The following TBC1D22B variants were observed in gnomAD, a reference collection of about 807,000 sequenced individuals.
TBC1D22B encodes TBC1 domain family member 22B, also known as chromosome 6 open reading frame 197.
A neutral mutation model predicts 69.1 loss-of-function variants in TBC1D22B; 32 were observed. The ratio of observed to expected loss-of-function variants is 0.46; its 90% CI spans 0.35 to 0.62. TBC1D22B has a LOEUF of 0.62. Among genes scored for constraint, TBC1D22B ranks in the 20% least tolerant of loss-of-function variants. TBC1D22B has a pLI of 0.00. For synonymous variants in TBC1D22B, 206 were observed against 229.8 expected (o/e 0.90, Z 0.94); for missense variants, 462 against 630.9 (o/e 0.73, Z 2.87).
chr6:37,261,873 A>G (rs541388960), intron 1 of TBC1D22B, among the ~76,000 whole-genome samples: 8 of 151,808 alleles, frequency 5.3e-5, no homozygotes, highest in Admixed American at 2.6e-4. Flanking sequence ...CGTCTCTACT[A>G]AAAACACACA....
intron 8 of TBC1D22B, among the ~76,000 whole-genome samples, chr6:37,305,048 A>G (rs61431090): frequency 0.032 from 4,840 of 152,250 alleles, 241 homozygotes; most frequent in African/African-American, 0.11. Context: ...AATTTTTGAT[A>G]GTCAACACTC....
chr6:37,294,359 AG>A (rs533834806), intron 8 of TBC1D22B, among the ~76,000 whole-genome samples: 2 of 152,044 alleles, frequency 1.3e-5, no homozygotes, highest in South Asian at 2.1e-4. Flanking sequence ...TTTTGTAGAG[AG>A]GGGGGTCTTG....
At chr6:37,261,211 C>T (rs918816575) in intron 1 of TBC1D22B, among the ~76,000 whole-genome samples, 3 of 151,960 alleles carry the variant, frequency 2.0e-5, no homozygotes, top group African/African-American at 4.8e-5. Flanking sequence ...GCAGGTGGAT[C>T]GCTTGAGGCC....
In TBC1D22B at chr6:37,331,025, G is replaced by C. The variant is rs1335939361; in HGVS notation, c.1390-19G>C. ...GTCTACGGTCTGGTATGATATAAAA[G>C]TCCTTTCTTGCATTCCAGGGTCTCC... On this transcript the variant is annotated intron_variant, in intron 12 of 12. Transcript: ENST00000373491. The C allele has an allele frequency of 4.3e-6, 7 of 1,613,712 alleles. No individual in the cohort carries two copies. In the Admixed American group the frequency reaches 1.2e-4, roughly 27 times the overall value.
At chr6:37,316,227 T>C (rs1376901345) in intron 10 of TBC1D22B, among the ~76,000 whole-genome samples, 2 of 152,186 alleles carry the variant, frequency 1.3e-5, no homozygotes, top group Non-Finnish European at 2.9e-5. Flanking sequence ...GGAAGAGGCT[T>C]CCCTTGAGTG....
chr6:37,287,464 C>T (rs748802454), intron 7 of TBC1D22B, among the ~76,000 whole-genome samples: 7 of 152,138 alleles, frequency 4.6e-5, no homozygotes, highest in African/African-American at 1.2e-4. Flanking sequence ...AGTACAGTCA[C>T]GTTATTGTAT....
intron 2 of TBC1D22B, among the ~76,000 whole-genome samples, chr6:37,273,213 A>G (rs1447649802): frequency 6.7e-6 from 1 of 148,616 alleles, no homozygotes; most frequent in Non-Finnish European, 1.5e-5. Flanking sequence ...AAACGAGAAT[A>G]GCAAAGACAA....
intron 8 of TBC1D22B, among the ~76,000 whole-genome samples, chr6:37,297,623 T>C (rs2113760797): frequency 6.6e-6 from 1 of 152,370 alleles, no homozygotes; most frequent in Admixed American, 6.5e-5. Flanking sequence ...CTTCACCTAT[T>C]ATATTTAATG....
At chr6:37,272,616 G>A (rs1462104788) in intron 2 of TBC1D22B, among the ~76,000 whole-genome samples, 7 of 151,268 alleles carry the variant, frequency 4.6e-5, no homozygotes, top group African/African-American at 7.3e-5. Flanking sequence ...TCAAACTCCC[G>A]GACTCAAGTG....
At chr6:37,286,371 A>C (rs1454701358) in intron 6 of TBC1D22B, among the ~76,000 whole-genome samples, 3 of 150,006 alleles carry the variant, frequency 2.0e-5, no homozygotes, top group Admixed American at 2.0e-4. Flanking sequence ...GCTGGAGTGC[A>C]GTGGCCCGAT....
At chr6:37,289,809 C>A (rs771342399) in intron 7 of TBC1D22B, among the ~76,000 whole-genome samples, 8 of 152,168 alleles carry the variant, frequency 5.3e-5, no homozygotes, top group Non-Finnish European at 8.8e-5. Flanking sequence ...CATTTAGCAA[C>A]AGAGAGGAAA....
intron 2 of TBC1D22B, among the ~76,000 whole-genome samples, chr6:37,272,370 T>TC (rs1008411936): frequency 6.6e-6 from 1 of 150,714 alleles, no homozygotes; most frequent in African/African-American, 2.4e-5. Flanking sequence ...CAGCCTTTTT[T>TC]TTTTTTTTTT....
At chr6:37,267,794 C>T (rs1020099124) in intron 1 of TBC1D22B, among the ~76,000 whole-genome samples, 6 of 151,774 alleles carry the variant, frequency 4.0e-5, no homozygotes, top group African/African-American at 1.5e-4. Context: ...CATCCATATT[C>T]GTCTATTAAC....
chr6:37,279,525 A>G lies in TBC1D22B; in HGVS notation c.335A>G (p.Glu112Gly). Reference sequence around the variant, plus strand: ...CACAGCAAGCTGAGAGTAAAACCAGAACGGTCCCAGTCAACGACATCGGAC... The same window carrying G: ...CACAGCAAGCTGAGAGTAAAACCAGGACGGTCCCAGTCAACGACATCGGAC... ...ENHSKLRVKP[E>G]RSQSTTSDVP... The change falls in exon 3 of 13, where the codon GAA becomes GGA. Residue 112 changes from glutamate to glycine, a missense_variant. Coordinates refer to ENST00000373491, the MANE Select transcript of TBC1D22B (RefSeq NM_017772.4). 1 of 1,614,250 alleles carries G rather than the reference A, an allele frequency of 6.2e-7. No individual in the cohort carries two copies. Among genetic ancestry groups the G allele is most frequent in the Non-Finnish European group, 8.5e-7 (1 of 1,180,040 alleles).
intron 1 of TBC1D22B, among the ~76,000 whole-genome samples, chr6:37,266,288 T>C (rs1248400675): frequency 6.6e-6 from 1 of 152,238 alleles, no homozygotes; most frequent in Non-Finnish European, 1.5e-5. Flanking sequence ...TACCAGTGTC[T>C]TTTGTATTCT....
chr6:37,289,035 T>C (rs1180903690), intron 7 of TBC1D22B, among the ~76,000 whole-genome samples: 1 of 152,028 alleles, frequency 6.6e-6, no homozygotes, highest in East Asian at 1.9e-4. Flanking sequence ...GCTGCAATCA[T>C]GCACCACCAC....
chr6:37,279,503 A>C lies in TBC1D22B; in HGVS notation c.313A>C (p.Ser105Arg), dbSNP rs776259288. ...TGCAGCCCAAGTTCTAGAAAACCAC[A>C]GCAAGCTGAGAGTAAAACCAGAACG... ...ATAAQVLENH[S>R]KLRVKPERSQ... The change falls in exon 3 of 13, where the codon AGC (serine) becomes CGC (arginine). Residue 105 changes from serine to arginine, a missense_variant. This residue lies in a region of TBC1D22B where 237 missense variants were observed against 255.4 expected (regional missense o/e 0.93). Coordinates refer to ENST00000373491, the MANE Select transcript of TBC1D22B (RefSeq NM_017772.4). The C allele has an allele frequency of 1.2e-6, 2 of 1,614,090 alleles. No homozygotes were observed. Among genetic ancestry groups the C allele is most frequent in the African/African-American group, 2.7e-5 (2 of 74,926 alleles).
chr6:37,276,356 G>A lies in TBC1D22B; in HGVS notation c.114-2948G>A, dbSNP rs570273144. Among the ~76,000 whole-genome samples, 30 of 152,188 alleles carry A rather than the reference G, an allele frequency of 2.0e-4. No homozygotes were observed. The East Asian group carries it at 5.0e-3, about 26-fold the overall frequency. On this transcript the variant is annotated intron_variant, in intron 2 of 12. Transcript: ENST00000373491. ...AGGTGAAACCAACCCCTTCCTCCAC[G>A]AAAGCCTCTTTCCTCAGGACAGAGC...
At chr6:37,297,719 C>T (rs1164570111) in intron 8 of TBC1D22B, among the ~76,000 whole-genome samples, 4 of 152,180 alleles carry the variant, frequency 2.6e-5, no homozygotes, top group Non-Finnish European at 4.4e-5. Flanking sequence ...ATCAAAACAA[C>T]ATTCTACTGT....
Sources: gnomAD v4.1 joint callset for allele counts (sites outside exome capture counted in the v4.1 genomes callset) on GRCh38, gnomAD v4.1.1 for gene constraint, gnomAD v4.1.1 regional missense constraint, MANE v1.5 for transcripts, NCBI Gene and HGNC (gene_info 2026-07-23, HGNC 2026-07-21) for gene names.